The following ITFG1 variants were observed in gnomAD, a reference collection of about 807,000 sequenced individuals.
ITFG1 encodes integrin alpha FG-GAP repeat containing 1, also known as T-cell immunomodulatory protein.
In ITFG1, 34 loss-of-function variants were observed where a neutral mutation model predicts 81.8. The ratio of observed to expected loss-of-function variants is 0.42; its 90% CI spans 0.32 to 0.55. ITFG1 has a LOEUF of 0.55. Among genes scored for constraint, ITFG1 ranks in the 20% least tolerant of loss-of-function variants. The probability of loss-of-function intolerance (pLI) is 0.17; values close to 1 mark genes in which losing one functional copy is unlikely to be tolerated. For missense variants in ITFG1, 672 were observed against 755.4 expected (o/e 0.89, Z 1.29); for synonymous variants, 285 against 270.6 (o/e 1.05, Z -0.52).
In ITFG1 at chr16:47,180,717, T is replaced by C. The variant is rs931357947; in HGVS notation, c.1454-18053A>G. Among the ~76,000 whole-genome samples the C allele has an allele frequency of 2.4e-4, 37 of 152,160 alleles. 1 individual carries two copies. The highest frequency in any genetic ancestry group is 8.5e-4 in the African/African-American group (35 of 41,394). On this transcript the variant is annotated intron_variant, in intron 14 of 17. Coordinates refer to ENST00000320640, the MANE Select transcript of ITFG1 (RefSeq NM_030790.5). ...GTGCCCAGGCTGGGGTGCAGTGGCATGATCTCAGCTCGCTACAACCTCCAC... is the reference window on the plus strand; with the variant it reads ...GTGCCCAGGCTGGGGTGCAGTGGCACGATCTCAGCTCGCTACAACCTCCAC...
chr16:47,368,148 G>A (rs1172921038), intron 7 of ITFG1, among the ~76,000 whole-genome samples: 1 of 151,530 alleles, frequency 6.6e-6, no homozygotes, highest in East Asian at 1.9e-4. Context: ...GCAGAAGAAT[G>A]GTGTGAACCC....
At chr16:47,209,270 A>G (rs1324785803) in intron 14 of ITFG1, among the ~76,000 whole-genome samples, 1 of 152,182 alleles carries the variant, frequency 6.6e-6, no homozygotes, top group Non-Finnish European at 1.5e-5. Context: ...TCATATCCCA[A>G]GTATTCATTT....
intron 14 of ITFG1, among the ~76,000 whole-genome samples, chr16:47,169,312 T>C (rs968517806): frequency 2.3e-4 from 35 of 152,328 alleles, no homozygotes; most frequent in African/African-American, 7.7e-4. Context: ...TCTTAAAGTT[T>C]TCCAATCCAT....
At chr16:47,290,481 G>T (rs532362201) in intron 10 of ITFG1, among the ~76,000 whole-genome samples, 1 of 152,012 alleles carries the variant, frequency 6.6e-6, no homozygotes. Flanking sequence ...TTTATATATC[G>T]CAGTGCTCTG....
chr16:47,239,269 T>C (rs1441615936), intron 12 of ITFG1, among the ~76,000 whole-genome samples: 1 of 152,068 alleles, frequency 6.6e-6, no homozygotes, highest in Admixed American at 6.5e-5. Flanking sequence ...GGCACGATCT[T>C]GGCTCACTGC....
chr16:47,305,108 T>TA (rs1967137047), intron 10 of ITFG1, among the ~76,000 whole-genome samples: 1 of 152,172 alleles, frequency 6.6e-6, no homozygotes, highest in Non-Finnish European at 1.5e-5. Context: ...TTGGTACCAC[T>TA]AGTGTATAAG....
intron 6 of ITFG1, among the ~76,000 whole-genome samples, chr16:47,404,936 C>G (rs1395074005): frequency 1.3e-5 from 2 of 151,542 alleles, no homozygotes; most frequent in African/African-American, 4.8e-5. Context: ...TTTGATTTGC[C>G]CATTTATATT....
intron 6 of ITFG1, among the ~76,000 whole-genome samples, chr16:47,428,100 T>A (rs983406676): frequency 6.6e-6 from 1 of 152,224 alleles, no homozygotes; most frequent in African/African-American, 2.4e-5. Context: ...CATGTACTAC[T>A]GTGCTCCAGC....
intron 10 of ITFG1, among the ~76,000 whole-genome samples, chr16:47,280,351 C>G (rs1966438654): frequency 6.6e-6 from 1 of 151,990 alleles, no homozygotes. Context: ...AATGATTTTT[C>G]TACATGAACT....
rs1969058170 is a variant in ITFG1, at chr16:47,428,913, A to G, written c.561-15T>C. The G allele has an allele frequency of 6.8e-7, 1 of 1,471,558 alleles. No individual in the cohort carries two copies. Among genetic ancestry groups the G allele is most frequent in the Non-Finnish European group, 9.3e-7 (1 of 1,070,656 alleles). The allele number at this position is 1,471,558 out of a possible 1,614,324, so 91.2% of individuals were successfully genotyped here. A position where few individuals can be genotyped will look rare whatever the true frequency, so the allele number is the denominator to read the frequency against. On this transcript the variant is annotated splice_polypyrimidine_tract_variant and intron_variant, in intron 5 of 17. Transcript: ENST00000320640. ...ATGATAAATTCCTAAAAAATAAAAT[A>G]AAAATACTTTTCTTAAGGCAAACAT...
chr16:47,298,638 G>A (rs1482336329), intron 10 of ITFG1, among the ~76,000 whole-genome samples: 1 of 152,166 alleles, frequency 6.6e-6, no homozygotes, highest in Non-Finnish European at 1.5e-5. Context: ...TGTACTGGGT[G>A]GATGAAGAAG....
At chr16:47,329,622 A>G (rs1405962098) in intron 8 of ITFG1, among the ~76,000 whole-genome samples, 2 of 152,204 alleles carry the variant, frequency 1.3e-5, no homozygotes, top group Non-Finnish European at 1.5e-5. Context: ...ATAAGCAGTC[A>G]CTGAGTGTTT....
chr16:47,303,015 T>C (rs911094295), intron 10 of ITFG1, among the ~76,000 whole-genome samples: 7 of 152,214 alleles, frequency 4.6e-5, no homozygotes, highest in African/African-American at 1.7e-4. Context: ...CTCACGCCTG[T>C]AATCCCAGCA....
At chr16:47,194,346 C>T (rs2151518507) in intron 14 of ITFG1, among the ~76,000 whole-genome samples, 1 of 152,252 alleles carries the variant, frequency 6.6e-6, no homozygotes, top group South Asian at 2.1e-4. Context: ...ATGGTAACCT[C>T]ATCTAAGTAT....
At chr16:47,285,918 C>A (rs1310324086) in intron 10 of ITFG1, among the ~76,000 whole-genome samples, 4 of 152,178 alleles carry the variant, frequency 2.6e-5, no homozygotes, top group Admixed American at 2.0e-4. Flanking sequence ...AACTCACCCC[C>A]ACACTTACCC....
At chr16:47,238,118 G>A in intron 12 of ITFG1, 110 bp from the exon 13 acceptor site, 1 of 628,028 alleles carries the variant, frequency 1.6e-6, no homozygotes, top group Non-Finnish European at 2.8e-6. Context: ...ATAATCACAA[G>A]CAGAAACCAA....
chr16:47,330,000 G>T (rs1046847688), intron 8 of ITFG1, among the ~76,000 whole-genome samples: 5 of 152,106 alleles, frequency 3.3e-5, no homozygotes, highest in African/African-American at 1.2e-4. Flanking sequence ...TTTGGGCAGG[G>T]ATAGGTTACA....
intron 6 of ITFG1, among the ~76,000 whole-genome samples, chr16:47,395,569 A>G (rs1348268605): frequency 2.0e-5 from 3 of 152,364 alleles, no homozygotes; most frequent in East Asian, 3.9e-4. Flanking sequence ...AAATCTGTCA[A>G]TTATGATTGA....
chr16:47,451,488 C>G lies in ITFG1; in HGVS notation c.486-18G>C, dbSNP rs746288852. On this transcript the variant is annotated intron_variant, in intron 4 of 17. Coordinates refer to ENST00000320640, the MANE Select transcript of ITFG1 (RefSeq NM_030790.5). ...CATTGAAACTGAAAAAAAATTAAAA[C>G]AATAAGCAGCTATTTCTTTAAATTC... The G allele has an allele frequency of 7.8e-7, 1 of 1,278,222 alleles. No homozygotes were observed. Among genetic ancestry groups the G allele is most frequent in the East Asian group, 2.3e-5 (1 of 43,208 alleles). 79.2% of individuals were successfully genotyped at this position (1,278,222 alleles called of 1,614,324 possible).
Sources: allele counts gnomAD v4.1 joint callset (sites outside exome capture counted in the v4.1 genomes callset), GRCh38; gene constraint gnomAD v4.1.1; transcripts MANE v1.5; gene names NCBI Gene and HGNC (gene_info 2026-07-23, HGNC 2026-07-21).